Variants in CCSER1 observed in about 807,000 individuals in gnomAD.
CCSER1 encodes coiled-coil serine rich protein 1.
CCSER1 carries 41 observed loss-of-function variants against 82.0 expected under a neutral mutation model. The ratio of observed to expected loss-of-function variants is 0.50; its 90% CI spans 0.39 to 0.65. CCSER1 has a LOEUF of 0.65. Among genes scored for constraint, CCSER1 ranks in the 30% least tolerant of loss-of-function variants. The pLI, the probability that CCSER1 is intolerant of heterozygous loss-of-function variation, is 0.00. For synonymous variants in CCSER1, 414 were observed against 383.9 expected (o/e 1.08, Z -0.92); for missense variants, 1,119 against 1,064.2 (o/e 1.05, Z -0.72).
intron 9 of CCSER1, among the ~76,000 whole-genome samples, chr4:90,964,321 T>C (rs1052897817): frequency 3.9e-5 from 6 of 152,178 alleles, no homozygotes; most frequent in African/African-American, 1.4e-4. Flanking sequence ...ATTTTTAACA[T>C]GGAACTGCCT....
At chr4:91,320,069 A>G (rs1231281268) in intron 10 of CCSER1, among the ~76,000 whole-genome samples, 1 of 151,998 alleles carries the variant, frequency 6.6e-6, no homozygotes, top group Non-Finnish European at 1.5e-5. Flanking sequence ...GCCACTTAGC[A>G]GCTGTCTTGG....
chr4:90,315,303 AT>A (rs1383037333), intron 3 of CCSER1, among the ~76,000 whole-genome samples: 1 of 152,202 alleles, frequency 6.6e-6, no homozygotes, highest in African/African-American at 2.4e-5. Flanking sequence ...TGGACAGTAT[AT>A]CAGGGTTGGA....
intron 10 of CCSER1, among the ~76,000 whole-genome samples, chr4:91,160,101 T>A (rs1032601674): frequency 2.7e-5 from 4 of 150,526 alleles, no homozygotes; most frequent in Admixed American, 6.6e-5. Context: ...TGTGTCCAAG[T>A]GTTCTCATTG....
intron 4 of CCSER1, among the ~76,000 whole-genome samples, chr4:90,451,153 A>G (rs1429456995): frequency 6.6e-6 from 1 of 152,178 alleles, no homozygotes; most frequent in African/African-American, 2.4e-5. Flanking sequence ...CCGCTGGGTG[A>G]CAGCTGCCTT....
chr4:90,745,520 A>T (rs1320771692), intron 7 of CCSER1, among the ~76,000 whole-genome samples: 1 of 152,030 alleles, frequency 6.6e-6, no homozygotes, highest in East Asian at 1.9e-4. Context: ...TCAGGATTTT[A>T]TTTCTTACCA....
chr4:91,535,864 C>G (rs1761271869), intron 10 of CCSER1, among the ~76,000 whole-genome samples: 1 of 151,966 alleles, frequency 6.6e-6, no homozygotes, highest in African/African-American at 2.4e-5. Flanking sequence ...GCAATGCTTA[C>G]AGGGTACTTA....
intron 10 of CCSER1, among the ~76,000 whole-genome samples, chr4:91,412,677 C>CT (rs1344096777): frequency 6.6e-6 from 1 of 152,050 alleles, no homozygotes; most frequent in Non-Finnish European, 1.5e-5. Flanking sequence ...AGACAATTAT[C>CT]TTTTAAGCAA....
At chr4:90,339,779 T>C (rs1741063064) in intron 3 of CCSER1, among the ~76,000 whole-genome samples, 2 of 152,096 alleles carry the variant, frequency 1.3e-5, no homozygotes, top group African/African-American at 4.8e-5. Context: ...GTATCTGCTT[T>C]ACCATGCTTC....
chr4:91,562,016 G>A (rs539651781), intron 10 of CCSER1, among the ~76,000 whole-genome samples: 2 of 151,454 alleles, frequency 1.3e-5, no homozygotes, highest in South Asian at 4.2e-4. Context: ...TCAGGACTTG[G>A]ATGAACTGGA....
intron 8 of CCSER1, among the ~76,000 whole-genome samples, chr4:90,878,797 C>T (rs150064004): frequency 2.4e-3 from 359 of 152,280 alleles, no homozygotes; most frequent in Non-Finnish European, 3.8e-3. Context: ...ATATTTATGT[C>T]TGTACCTCTG....
chr4:90,535,271 GC>G (rs1288693645), intron 5 of CCSER1, among the ~76,000 whole-genome samples: 1 of 152,000 alleles, frequency 6.6e-6, no homozygotes, highest in Non-Finnish European at 1.5e-5. Flanking sequence ...TTTTGGCAGA[GC>G]TTTGTTAGTA....
chr4:91,473,146 G>C (rs1487426626), intron 10 of CCSER1, among the ~76,000 whole-genome samples: 1 of 152,150 alleles, frequency 6.6e-6, no homozygotes, highest in Non-Finnish European at 1.5e-5. Flanking sequence ...AGTCTGCAGA[G>C]CTTCTCCTTG....
intron 3 of CCSER1, among the ~76,000 whole-genome samples, chr4:90,354,900 T>TGTG (rs972273073): frequency 1.3e-5 from 2 of 151,966 alleles, no homozygotes; most frequent in Non-Finnish European, 2.9e-5. Context: ...CAGTGCTCTT[T>TGTG]GTGGTGGTGG....
At chr4:90,647,573 T>G (rs1406439501) in intron 6 of CCSER1, among the ~76,000 whole-genome samples, 3 of 152,036 alleles carry the variant, frequency 2.0e-5, no homozygotes, top group African/African-American at 7.2e-5. Flanking sequence ...GTAAAATGAG[T>G]GAAATAGGAT....
At chr4:91,493,381 T>C (rs1241498875) in intron 10 of CCSER1, among the ~76,000 whole-genome samples, 1 of 151,854 alleles carries the variant, frequency 6.6e-6, no homozygotes, top group Non-Finnish European at 1.5e-5. Flanking sequence ...TAATGGCTAG[T>C]GAGGCATAAG....
chr4:91,584,054 T>A (rs1401191513), intron 10 of CCSER1, among the ~76,000 whole-genome samples: 1 of 149,824 alleles, frequency 6.7e-6, no homozygotes, highest in African/African-American at 2.5e-5. Context: ...ATATAGTAAA[T>A]TAAAATTATT....
rs73837624 is a variant in CCSER1 at position 91,487,836 on chromosome 4, T to G, written c.2218-110736T>G. 7.9e-3 allele frequency among the ~76,000 whole-genome samples: 1,203 copies of G among 152,164 alleles called. 26 individuals are homozygous for G. The highest frequency in any genetic ancestry group is 0.028 in the African/African-American group (1,147 of 41,556). On this transcript the variant is annotated intron_variant, in intron 10 of 10. Coordinates refer to ENST00000509176, the MANE Select transcript of CCSER1 (RefSeq NM_001145065.2). Reference sequence around the variant, plus strand: ...TATATCATAATTAGAACAACATGACTATTTTTAGAGTAAAAATAGTTTCAA... The same window carrying G: ...TATATCATAATTAGAACAACATGACGATTTTTAGAGTAAAAATAGTTTCAA...
chr4:90,572,398 CCTA>C (rs1053579894), intron 5 of CCSER1, among the ~76,000 whole-genome samples: 1 of 152,036 alleles, frequency 6.6e-6, no homozygotes, highest in African/African-American at 2.4e-5. Flanking sequence ...TTGGAAATTA[CCTA>C]CTACTATCTT....
In CCSER1 at chr4:90,495,682, G is replaced by A. The variant is rs145956361; in HGVS notation, c.1724+27328G>A. Among the ~76,000 whole-genome samples, 31 of 152,264 alleles carry A rather than the reference G, an allele frequency of 2.0e-4. 1 individual carries two copies. In the East Asian group the frequency reaches 5.4e-3, roughly 27 times the overall value. On this transcript the variant is annotated intron_variant, in intron 5 of 10. Coordinates refer to ENST00000509176, the MANE Select transcript of CCSER1 (RefSeq NM_001145065.2). ...AATGATTTATAGATTATATCATAAT[G>A]TCATTTATTTTTAGTGACAGTTCTG...
Sources: allele counts gnomAD v4.1 joint callset (sites outside exome capture counted in the v4.1 genomes callset), GRCh38; gene constraint gnomAD v4.1.1; transcripts MANE v1.5; gene names NCBI Gene and HGNC (gene_info 2026-07-23, HGNC 2026-07-21).